Variants in NTN4 observed in about 807,000 individuals in gnomAD.
NTN4 encodes netrin-4.
A neutral mutation model predicts 73.6 loss-of-function variants in NTN4; 32 were observed. That is an observed-to-expected ratio of 0.44 (90% confidence interval 0.33 to 0.58). The LOEUF is 0.58. NTN4 is among the 20% of genes least tolerant of loss of function. The probability of loss-of-function intolerance (pLI) is 0.04; values close to 1 mark genes in which losing one functional copy is unlikely to be tolerated. For missense variants in NTN4, 654 were observed against 798.3 expected, an observed-to-expected ratio of 0.82 and a Z score of 2.18; for synonymous variants, 258 against 287.5, an observed-to-expected ratio of 0.90 and a Z score of 1.04.
intron 3 of NTN4, among the ~76,000 whole-genome samples, chr12:95,715,440 T>C (rs1565894139): frequency 6.6e-6 from 1 of 152,214 alleles, no homozygotes; most frequent in Non-Finnish European, 1.5e-5. Flanking sequence ...ATACTATAGA[T>C]TCAATTCACT....
chr12:95,691,106 A>C (rs1280908096), intron 5 of NTN4, among the ~76,000 whole-genome samples: 1 of 152,214 alleles, frequency 6.6e-6, no homozygotes, highest in Non-Finnish European at 1.5e-5. Context: ...CTTTTTCAAG[A>C]CTCACACCGA....
At chr12:95,765,388 T>A (rs962768577) in intron 2 of NTN4, among the ~76,000 whole-genome samples, 2 of 146,110 alleles carry the variant, frequency 1.4e-5, no homozygotes, top group Non-Finnish European at 3.0e-5. Context: ...AATTCTTGTG[T>A]TCACGTTATC....
At chr12:95,750,871 C>T (rs979991385) in intron 2 of NTN4, among the ~76,000 whole-genome samples, 1 of 152,188 alleles carries the variant, frequency 6.6e-6, no homozygotes, top group Non-Finnish European at 1.5e-5. Flanking sequence ...GTCCGGCTTA[C>T]AGTTTCCTTC....
At chr12:95,749,134 A>G (rs1409612762) in intron 2 of NTN4, among the ~76,000 whole-genome samples, 1 of 151,552 alleles carries the variant, frequency 6.6e-6, no homozygotes, top group African/African-American at 2.4e-5. Flanking sequence ...ATTTTCCATT[A>G]CCTTCCCAAA....
intron 3 of NTN4, among the ~76,000 whole-genome samples, chr12:95,714,723 C>CCTTGA (rs1268438317): frequency 2.0e-5 from 3 of 152,028 alleles, no homozygotes; most frequent in Non-Finnish European, 4.4e-5. Context: ...TGGAGCTGGC[C>CCTTGA]CTTGACACAT....
chr12:95,692,234 C>T (rs548830422), intron 5 of NTN4, among the ~76,000 whole-genome samples: 5 of 152,096 alleles, frequency 3.3e-5, no homozygotes, highest in East Asian at 3.9e-4. Context: ...TGGGGTTTTA[C>T]CATGCTGGCC....
At chr12:95,770,797 T>A (rs2079051736) in intron 2 of NTN4, among the ~76,000 whole-genome samples, 1 of 138,662 alleles carries the variant, frequency 7.2e-6, no homozygotes, top group Admixed American at 6.8e-5. Context: ...TTTTCAAAAT[T>A]ATTTTTTGTT....
rs199903278 is a variant in NTN4, at chr12:95,786,922, T to G, written c.585+17A>C. ...TTCTATCTTACTTACAGTGTAGAGT[T>G]AAACAGGTGCCCTTACCTCTCCTCC... On this transcript the variant is annotated intron_variant, in intron 2 of 9. Transcript: ENST00000343702. 1,112 of 1,609,828 alleles carry G rather than the reference T, an allele frequency of 6.9e-4. No individual in the cohort carries two copies. Among genetic ancestry groups the G allele is most frequent in the Non-Finnish European group, 8.7e-4 (1,027 of 1,176,812 alleles).
rs368711678 is a variant in NTN4, at chr12:95,751,672, G to A, written c.586-13528C>T. ...AAGACCGACACTGCCCGATCACCTC[G>A]GAAGCCCCCTAGACCATCACGGACG... On this transcript the variant is annotated intron_variant, in intron 2 of 9. Coordinates refer to ENST00000343702, the MANE Select transcript of NTN4 (RefSeq NM_021229.4). Among the ~76,000 whole-genome samples, 37 of 152,112 alleles carry A rather than the reference G, an allele frequency of 2.4e-4. No homozygotes were observed. The East Asian group carries it at 3.1e-3, about 13-fold the overall frequency.
intron 2 of NTN4, among the ~76,000 whole-genome samples, chr12:95,782,122 A>T (rs1264846870): frequency 1.3e-5 from 2 of 152,076 alleles, no homozygotes; most frequent in Non-Finnish European, 2.9e-5. Context: ...CCCCTGCCCA[A>T]GGCTTATTCA....
chr12:95,786,803 A>G, intron 2 of NTN4, 136 bp downstream of exon 2: 6 of 718,398 alleles, frequency 8.4e-6, no homozygotes, highest in Non-Finnish European at 1.4e-5. Context: ...GAAATAATTT[A>G]TGACAAATAA....
intron 2 of NTN4, among the ~76,000 whole-genome samples, chr12:95,742,065 G>A (rs2078830737): frequency 1.3e-5 from 2 of 152,158 alleles, no homozygotes; most frequent in Admixed American, 6.5e-5. Flanking sequence ...GCCTGAGGAT[G>A]GGGATTCTTG....
chr12:95,734,352 A>C (rs2078760266), intron 3 of NTN4, among the ~76,000 whole-genome samples: 1 of 152,168 alleles, frequency 6.6e-6, no homozygotes, highest in Non-Finnish European at 1.5e-5. Flanking sequence ...TGTTAAACAT[A>C]GATTCTTAGG....
intron 9 of NTN4, chr12:95,663,339 T>C (rs925056867): frequency 6.6e-6 from 1 of 152,346 alleles, no homozygotes; most frequent in East Asian, 1.9e-4. Flanking sequence ...TACCTCTTAT[T>C]AGCATTTATA....
chr12:95,739,044 G>T (rs1361161877), intron 2 of NTN4, among the ~76,000 whole-genome samples: 1 of 152,188 alleles, frequency 6.6e-6, no homozygotes. Context: ...CATTATATTT[G>T]TAGTGGTTTA....
At chr12:95,731,293 C>T (rs1315628846) in intron 3 of NTN4, among the ~76,000 whole-genome samples, 11 of 152,150 alleles carry the variant, frequency 7.2e-5, no homozygotes, top group Admixed American at 6.5e-4. Context: ...CTAGGCCAGG[C>T]ATGGTGGCTC....
At chr12:95,769,266 C>CG (rs2079039720) in intron 2 of NTN4, among the ~76,000 whole-genome samples, 2 of 151,916 alleles carry the variant, frequency 1.3e-5, no homozygotes, top group African/African-American at 2.4e-5. Flanking sequence ...AACAGAAGGA[C>CG]AGGGGGCAGT....
intron 3 of NTN4, among the ~76,000 whole-genome samples, chr12:95,726,074 G>GT (rs375756489): frequency 6.2e-4 from 91 of 147,724 alleles, no homozygotes; most frequent in South Asian, 2.6e-3. Flanking sequence ...TTTTGTTTGG[G>GT]TTTTTTTTTT....
chr12:95,704,202 A>C (rs2078507347), intron 5 of NTN4, among the ~76,000 whole-genome samples: 1 of 152,194 alleles, frequency 6.6e-6, no homozygotes, highest in Admixed American at 6.5e-5. Context: ...GACCACACAC[A>C]GAGTAGCAGT....
Sources: allele counts gnomAD v4.1 joint callset (sites outside exome capture counted in the v4.1 genomes callset), GRCh38; gene constraint gnomAD v4.1.1; transcripts MANE v1.5; gene names NCBI Gene and HGNC (gene_info 2026-07-23, HGNC 2026-07-21).